SANBR: variants seen among roughly 807,000 people sequenced by gnomAD.
The protein encoded by SANBR is SANT and BTB domain regulator of CSR.
In SANBR, 77 loss-of-function variants were observed where a neutral mutation model predicts 101.8. That is an observed-to-expected ratio of 0.76 (90% CI 0.63 to 0.91). The LOEUF (loss-of-function observed/expected upper bound fraction) is 0.91. Ranked by LOEUF, SANBR falls within the 40% of genes least tolerant of loss-of-function variation. The pLI, the probability that SANBR is intolerant of heterozygous loss-of-function variation, is 0.00. For missense variants in SANBR, 875 were observed against 853.0 expected (o/e 1.03, Z -0.32); for synonymous variants, 279 against 274.7 (o/e 1.02, Z -0.15).
chr2:61,075,020 A>G (rs1018684858), intron 5 of SANBR: 2 of 148,870 alleles, frequency 1.3e-5, no homozygotes, highest in Admixed American at 6.7e-5. Context: ...CTGGTCCTGA[A>G]CTCCTGGGCT....
intron 21 of SANBR, among the ~76,000 whole-genome samples, chr2:61,135,424 GT>G (rs1490463503): frequency 6.6e-6 from 1 of 152,196 alleles, no homozygotes; most frequent in Non-Finnish European, 1.5e-5. Flanking sequence ...ATGACATCTA[GT>G]TTTGTCCAAT....
In SANBR at chr2:61,092,604, T is replaced by A. The variant is rs533679560; in HGVS notation, c.1212+17T>A. Reference sequence around the variant, plus strand: ...TGTTATCAGGTAAGATTTTTTTTTTTAAATATCCTGCTCTGCAAATATTGA... The same window carrying A: ...TGTTATCAGGTAAGATTTTTTTTTTAAAATATCCTGCTCTGCAAATATTGA... On this transcript the variant is annotated intron_variant, in intron 11 of 21. Transcript: ENST00000402291. The A allele has an allele frequency of 1.9e-4, 295 of 1,549,118 alleles. 1 individual carries two copies. In the South Asian group the frequency reaches 2.0e-3, roughly 10 times the overall value.
intron 10 of SANBR, 65 bp from the exon 11 acceptor site, chr2:61,092,399 T>A (rs1464048141): frequency 4.8e-6 from 6 of 1,243,604 alleles, no homozygotes; most frequent in Middle Eastern, 2.8e-4. Context: ...AAGATAATAA[T>A]TAAATAAATA....
At chr2:61,110,669 A>G (rs1683788096) in intron 16 of SANBR, among the ~76,000 whole-genome samples, 1 of 151,496 alleles carries the variant, frequency 6.6e-6, no homozygotes, top group Non-Finnish European at 1.5e-5. Flanking sequence ...ACACAGCGAG[A>G]CTCTGTCTCA....
chr2:61,114,454 A>G (rs1263534429), intron 16 of SANBR, among the ~76,000 whole-genome samples: 1 of 152,142 alleles, frequency 6.6e-6, no homozygotes, highest in African/African-American at 2.4e-5. Flanking sequence ...TCCTATGTTA[A>G]TTACCCTTGC....
chr2:61,099,536 T>C (rs2104920556), intron 12 of SANBR, among the ~76,000 whole-genome samples: 1 of 152,326 alleles, frequency 6.6e-6, no homozygotes, highest in Non-Finnish European at 1.5e-5. Context: ...TCGTGAGTTC[T>C]GTTTTGGACA....
intron 20 of SANBR, among the ~76,000 whole-genome samples, chr2:61,120,372 G>GGT (rs1684276305): frequency 6.6e-6 from 1 of 152,008 alleles, no homozygotes; most frequent in Admixed American, 6.6e-5. Flanking sequence ...TGGTGGTGCA[G>GGT]GCCTGTAATC....
At chr2:61,124,475 G>A (rs911564674), downstream of SANBR, among the ~76,000 whole-genome samples, 3 of 152,136 alleles carry the variant, frequency 2.0e-5, no homozygotes, top group Non-Finnish European at 4.4e-5. Context: ...CAAGGCAGGA[G>A]GATTGCTTGA....
At chr2:61,083,636 G>A (rs1200230164) in intron 8 of SANBR, among the ~76,000 whole-genome samples, 2 of 151,984 alleles carry the variant, frequency 1.3e-5, no homozygotes, top group South Asian at 2.1e-4. Context: ...TTGGGAGGCC[G>A]AGGCGGGCAG....
At chr2:61,081,664 C>T (rs1198382436) in intron 7 of SANBR, among the ~76,000 whole-genome samples, 154 bp downstream of exon 7, 1 of 151,860 alleles carries the variant, frequency 6.6e-6, no homozygotes, top group Non-Finnish European at 1.5e-5. Flanking sequence ...ATTTCTTTTT[C>T]TTGAGACAGA....
At chr2:61,087,395 GA>G (rs1273705089) in intron 8 of SANBR, among the ~76,000 whole-genome samples, 1 of 136,508 alleles carries the variant, frequency 7.3e-6, no homozygotes, top group Admixed American at 7.7e-5. Context: ...AATCTCTACA[GA>G]TTTTTTTTTT....
chr2:61,125,797 C>T (rs1373368663), downstream of SANBR, among the ~76,000 whole-genome samples: 1 of 152,184 alleles, frequency 6.6e-6, no homozygotes, highest in Non-Finnish European at 1.5e-5. Flanking sequence ...ACGCCCGCCC[C>T]CGCCACCAAA....
At chr2:61,077,989 C>G (rs944352342) in intron 6 of SANBR, among the ~76,000 whole-genome samples, 5 of 152,206 alleles carry the variant, frequency 3.3e-5, no homozygotes, top group African/African-American at 1.2e-4. Context: ...TTTTGGAAAA[C>G]TTAACTTGCT....
chr2:61,094,623 G>A (rs979199541), intron 11 of SANBR, among the ~76,000 whole-genome samples: 2 of 131,376 alleles, frequency 1.5e-5, no homozygotes, highest in Non-Finnish European at 3.3e-5. Flanking sequence ...TCTCTTGGAT[G>A]TATTTATTTC....
intron 12 of SANBR, among the ~76,000 whole-genome samples, chr2:61,100,562 A>G (rs926210102): frequency 7.2e-5 from 11 of 152,246 alleles, no homozygotes; most frequent in Non-Finnish European, 1.6e-4. Context: ...CAGCTCCTCT[A>G]TTATAACAGG....
intron 8 of SANBR, among the ~76,000 whole-genome samples, chr2:61,083,886 T>C (rs1180459745): frequency 1.3e-5 from 2 of 152,088 alleles, no homozygotes; most frequent in South Asian, 2.1e-4. Context: ...AAAAAAACTT[T>C]TTGTAGAGAC....
rs555327264 is a variant in SANBR at position 61,075,866 on chromosome 2, T to A, written c.432-1054T>A. Reference sequence around the variant, plus strand: ...TAAAAAAATCTGAAAATTTTAGTATTTAATGATAATCTCTCTCCCACACCC... The same window carrying A: ...TAAAAAAATCTGAAAATTTTAGTATATAATGATAATCTCTCTCCCACACCC... On this transcript the variant is annotated intron_variant, in intron 5 of 21. Transcript: ENST00000402291. 5.8e-3 allele frequency among the ~76,000 whole-genome samples: 882 copies of A among 152,182 alleles called. 9 individuals carry two copies. The highest frequency in any genetic ancestry group is 0.02 in the African/African-American group (841 of 41,564).
intron 20 of SANBR, 113 bp downstream of exon 20, chr2:61,118,229 GTGTTTGTT>G: frequency 5.7e-6 from 4 of 697,844 alleles, no homozygotes; most frequent in Non-Finnish European, 9.4e-6. Flanking sequence ...AGTAATTTAT[GTGTTTGTT>G]TGTTTGTTTG....
intron 6 of SANBR, among the ~76,000 whole-genome samples, chr2:61,078,086 T>C (rs1200430016): frequency 6.6e-6 from 1 of 152,230 alleles, no homozygotes; most frequent in Non-Finnish European, 1.5e-5. Context: ...TTTAAATATA[T>C]TGTACAATGA....
Sources: gnomAD v4.1 joint callset for allele counts (sites outside exome capture counted in the v4.1 genomes callset) on GRCh38, gnomAD v4.1.1 for gene constraint, MANE v1.5 for transcripts, NCBI Gene and HGNC (gene_info 2026-07-23, HGNC 2026-07-21) for gene names.